PCDHGB3: variants seen among roughly 807,000 people sequenced by gnomAD.
The protein encoded by PCDHGB3 is protocadherin gamma-B3.
In PCDHGB3, 40 loss-of-function variants were observed where a neutral mutation model predicts 59.2. That is an observed-to-expected ratio of 0.68 (90% CI 0.52 to 0.88). The LOEUF (loss-of-function observed/expected upper bound fraction) is 0.88. Ranked by LOEUF, PCDHGB3 falls within the 40% of genes least tolerant of loss-of-function variation. The pLI is 0.00. For synonymous variants in PCDHGB3, 581 were observed against 503.6 expected, an observed-to-expected ratio of 1.15 and a Z score of -2.06; for missense variants, 1,309 against 1,187.9, an observed-to-expected ratio of 1.10 and a Z score of -1.50.
At position 141,487,080 on chromosome 5, in the gene PCDHGB3, C is replaced by G. The variant is rs2154580766; in HGVS notation, c.2416-7727C>G. 1 of 1,614,126 alleles carries G rather than the reference C, an allele frequency of 6.2e-7. No individual in the cohort carries two copies. Among genetic ancestry groups the G allele is most frequent in the East Asian group, 2.2e-5 (1 of 44,872 alleles). On this transcript the variant is annotated intron_variant, in intron 1 of 3. Coordinates refer to ENST00000576222, the MANE Select transcript of PCDHGB3 (RefSeq NM_018924.5). This position sits in a 1 kb window ranked among gnomAD's most constrained non-coding sequence, Gnocchi z 5.0. ...GTGCGGACGGCTGTTCCTATCCCAG[C>G]TGACCTCCCACCACAGAAGCTGGTC...
chr5:141,374,376 A>G (rs1770434456), intron 1 of PCDHGB3: 8 of 1,613,952 alleles, frequency 5.0e-6, no homozygotes, highest in Non-Finnish European at 6.8e-6. Context: ...CTCTGTGCTC[A>G]GAGCCCGCGG....
intron 2 of PCDHGB3, 70 bp downstream of exon 2, chr5:141,494,935 G>T (rs1456805368): frequency 2.5e-6 from 4 of 1,612,364 alleles, no homozygotes; most frequent in African/African-American, 1.3e-5. Context: ...GGGAGGAGAT[G>T]GGGGAGGGCC....
chr5:141,493,206 C>A lies in PCDHGB3; in HGVS notation c.2416-1601C>A, dbSNP rs191090598. Among the ~76,000 whole-genome samples the A allele has an allele frequency of 2.4e-3, 368 of 152,322 alleles. 2 individuals carry two copies. Among genetic ancestry groups the A allele is most frequent in the Admixed American group, 4.5e-3 (69 of 15,296 alleles). On this transcript the variant is annotated intron_variant, in intron 1 of 3. Transcript: ENST00000576222. This position sits in a 1 kb window ranked among gnomAD's most constrained non-coding sequence, Gnocchi z 4.3. ...TATAACTCCTTTGAGAACCTCATCT[C>A]ATTTGCTCTTCCCACCATTGCTGTT...
intron 3 of PCDHGB3, among the ~76,000 whole-genome samples, chr5:141,509,069 G>A (rs1463164307): frequency 2.6e-5 from 4 of 152,174 alleles, no homozygotes; most frequent in African/African-American, 9.7e-5. Context: ...CTCAGCTCCG[G>A]GGATTTGCGA....
At position 141,491,672 on chromosome 5, in the gene PCDHGB3, G is replaced by A. The variant is rs754836157; in HGVS notation, c.2416-3135G>A. The A allele has an allele frequency of 9.9e-6, 16 of 1,613,494 alleles. No homozygotes were observed. The South Asian group carries it at 1.4e-4, about 14-fold the overall frequency. On this transcript the variant is annotated intron_variant, in intron 1 of 3. Transcript: ENST00000576222. This position sits in a 1 kb window ranked among gnomAD's most constrained non-coding sequence, Gnocchi z 6.9. ...CTGGAGCCTGACGCCATCCGGTCCCGCTCTAATACGCTGCGGGAGCGGAGC... is the reference window on the plus strand; with the variant it reads ...CTGGAGCCTGACGCCATCCGGTCCCACTCTAATACGCTGCGGGAGCGGAGC...
In PCDHGB3 at chr5:141,489,087, T is replaced by A. The variant is rs2099682381; in HGVS notation, c.2416-5720T>A. ...CCCCCTGCCCACCCCCGCCACTCGG[T>A]GACTAAGAACTGCTGCAAGCAGGCA... is the stretch of plus-strand genomic sequence containing the variant. On this transcript the variant is annotated intron_variant, in intron 1 of 3. Coordinates refer to ENST00000576222, the MANE Select transcript of PCDHGB3 (RefSeq NM_018924.5). This position sits in a 1 kb window ranked among gnomAD's most constrained non-coding sequence, Gnocchi z 4.5. The A allele has an allele frequency of 4.6e-6, 1 of 216,106 alleles. No individual in the cohort carries two copies. Among genetic ancestry groups the A allele is most frequent in the Non-Finnish European group, 8.4e-6 (1 of 118,734 alleles). 13.4% of individuals were successfully genotyped at this position (216,106 alleles called of 1,614,324 possible). A position where few individuals can be genotyped will look rare whatever the true frequency, so the allele number is the denominator to read the frequency against.
chr5:141,484,994 G>A (rs1257915410), intron 1 of PCDHGB3: 4 of 610,330 alleles, frequency 6.6e-6, no homozygotes, highest in Non-Finnish European at 1.2e-5. Context: ...GGTGGTGAAA[G>A]GCAGACAAAT....
At position 141,372,151 on chromosome 5, in the gene PCDHGB3, A is replaced by G; in HGVS notation, c.1757A>G (p.Tyr586Cys). 6.2e-7 allele frequency: 1 copy of G among 1,613,654 alleles called. No individual in the cohort carries two copies. Among genetic ancestry groups the G allele is most frequent in the South Asian group, 1.1e-5 (1 of 91,066 alleles). ...DMVPRSAEPG[Y>C]LVTKVVAVDA... ...GTGCCGCGCTCTGCAGAGCCTGGCTACCTGGTGACCAAGGTGGTGGCGGTG... is the reference window on the plus strand; with the variant it reads ...GTGCCGCGCTCTGCAGAGCCTGGCTGCCTGGTGACCAAGGTGGTGGCGGTG... The change falls in exon 1 of 4, where the codon TAC (tyrosine) becomes TGC (cysteine). Residue 586 changes from tyrosine (Y) to cysteine (C), a missense_variant. Transcript: ENST00000576222.
chr5:141,505,026 G>T (rs190826538), intron 2 of PCDHGB3, among the ~76,000 whole-genome samples: 1 of 152,198 alleles, frequency 6.6e-6, no homozygotes, highest in South Asian at 2.1e-4. Context: ...GCCTGGCACA[G>T]TGGCAGGTGC....
chr5:141,408,144 G>T (rs868032463), intron 1 of PCDHGB3: 1 of 1,496,068 alleles, frequency 6.7e-7, no homozygotes, highest in South Asian at 1.3e-5. Context: ...CTTTTAGCGC[G>T]GTAGAGTGCA....
chr5:141,422,467 G>A (rs1380910490), intron 1 of PCDHGB3: 1 of 1,613,664 alleles, frequency 6.2e-7, no homozygotes, highest in Non-Finnish European at 8.5e-7. Context: ...GCTGGACAGG[G>A]AGTTGGTCCA....
At chr5:141,406,109 G>C (rs2094766123) in intron 1 of PCDHGB3, among the ~76,000 whole-genome samples, 1 of 144,746 alleles carries the variant, frequency 6.9e-6, no homozygotes, top group South Asian at 2.2e-4. Flanking sequence ...GTGTCATTCT[G>C]TTGTCCAGGG....
chr5:141,465,836 A>G (rs974075792), intron 1 of PCDHGB3, among the ~76,000 whole-genome samples: 1 of 151,774 alleles, frequency 6.6e-6, no homozygotes, highest in East Asian at 1.9e-4. Context: ...TAAAATTTCA[A>G]CTGAGGCTGG....
chr5:141,383,075 TG>T, intron 1 of PCDHGB3: 2 of 1,613,878 alleles, frequency 1.2e-6, no homozygotes, highest in Non-Finnish European at 1.7e-6. Flanking sequence ...CCCCGGGAGC[TG>T]GCGGAGCGCG....
rs1480686339 is a variant in PCDHGB3, at chr5:141,415,643, A to G, written c.2415+42834A>G. ...TTTATTTTCATTTTTACTTTTGTTA[A>G]AAAAAAAAAGATTGGTTTTTACTTT... is the stretch of plus-strand genomic sequence containing the variant. On this transcript the variant is annotated intron_variant, in intron 1 of 3. Transcript: ENST00000576222. The G allele has an allele frequency of 5.1e-6, 8 of 1,571,752 alleles. No individual in the cohort carries two copies. In the South Asian group the frequency reaches 9.1e-5, roughly 18 times the overall value.
intron 1 of PCDHGB3, chr5:141,384,444 C>G (rs751427123): frequency 1.9e-6 from 3 of 1,613,906 alleles, no homozygotes; most frequent in Non-Finnish European, 2.5e-6. Context: ...GAGTCCTGTA[C>G]GCGCTGCAAT....
rs200109598 is a variant in PCDHGB3 at position 141,388,741 on chromosome 5, A to C, written c.2415+15932A>C. ...ACTTTCTCTTTCAGTGAAGCTAGCC[A>C]GATCACCCAATTTGACCTGAACTCT... is the stretch of plus-strand genomic sequence containing the variant. On this transcript the variant is annotated intron_variant, in intron 1 of 3. Transcript: ENST00000576222. The C allele has an allele frequency of 1.3e-4, 203 of 1,613,906 alleles. No individual in the cohort carries two copies. The highest frequency in any genetic ancestry group is 1.7e-4 in the Non-Finnish European group (198 of 1,179,898).
chr5:141,455,961 G>C (rs1447678052), intron 1 of PCDHGB3, among the ~76,000 whole-genome samples: 1 of 150,954 alleles, frequency 6.6e-6, no homozygotes, highest in African/African-American at 2.4e-5. Context: ...GCAGTGGCGC[G>C]ATCTCAGCTC....
Position 141,394,179 on chromosome 5 carries a change from T to C in PCDHGB3, c.2415+21370T>C. The C allele has an allele frequency of 2.5e-6, 4 of 1,613,868 alleles. No individual in the cohort carries two copies. The South Asian group carries it at 4.4e-5, about 18-fold the overall frequency. On this transcript the variant is annotated intron_variant, in intron 1 of 3. Coordinates refer to ENST00000576222, the MANE Select transcript of PCDHGB3 (RefSeq NM_018924.5). ...CAACCCTCCTACTTTCCCTCATGCC[T>C]CCTACTCAGCGTATATCCTAGAGAA...
Sources: allele counts gnomAD v4.1 joint callset (sites outside exome capture counted in the v4.1 genomes callset), GRCh38; gene constraint gnomAD v4.1.1; non-coding constraint Gnocchi (gnomAD v3.1); transcripts MANE v1.5; gene names NCBI Gene and HGNC (gene_info 2026-07-23, HGNC 2026-07-21).